Variants in CACNB2 observed in about 807,000 individuals in gnomAD.
CACNB2 encodes the protein calcium voltage-gated channel auxiliary subunit beta 2.
Under a neutral mutation model 73.3 loss-of-function variants are expected in CACNB2, and 42 were observed. That is an observed-to-expected ratio of 0.57 (90% CI 0.45 to 0.74). The LOEUF (loss-of-function observed/expected upper bound fraction) is 0.74. Ranked by LOEUF, CACNB2 falls within the 30% of genes least tolerant of loss-of-function variation. CACNB2 has a pLI of 0.00. For missense variants in CACNB2, 940 were observed against 853.0 expected (o/e 1.10, Z -1.27); for synonymous variants, 348 against 310.3 (o/e 1.12, Z -1.28).
chr10:18,290,879 G>T (rs1036737467), intron 2 of CACNB2, among the ~76,000 whole-genome samples: 2 of 152,234 alleles, frequency 1.3e-5, no homozygotes, highest in Non-Finnish European at 2.9e-5. Flanking sequence ...ATTGACAGGA[G>T]GTAAAAGGAG....
intron 9 of CACNB2, among the ~76,000 whole-genome samples, chr10:18,525,986 T>A (rs2052433112): frequency 6.6e-6 from 1 of 152,202 alleles, no homozygotes; most frequent in South Asian, 2.1e-4. Context: ...CATAATTGAT[T>A]TTTCTGTTTG....
At chr10:18,357,697 G>A (rs748110495) in intron 2 of CACNB2, among the ~76,000 whole-genome samples, 9 of 151,964 alleles carry the variant, frequency 5.9e-5, no homozygotes, top group East Asian at 1.9e-4. Flanking sequence ...TATATTTTTC[G>A]CCCACATGAA....
intron 2 of CACNB2, among the ~76,000 whole-genome samples, chr10:18,286,839 T>C (rs2038825720): frequency 6.6e-6 from 1 of 152,178 alleles, no homozygotes; most frequent in Non-Finnish European, 1.5e-5. Flanking sequence ...AAAGCAATGC[T>C]AAGTTTCAGT....
chr10:18,233,763 G>A (rs1441353443), intron 2 of CACNB2, among the ~76,000 whole-genome samples: 1 of 152,154 alleles, frequency 6.6e-6, no homozygotes, highest in Non-Finnish European at 1.5e-5. Context: ...TAAAGTACTA[G>A]GCTAGGTAGT....
At chr10:18,142,006 A>G (rs2030466024) in intron 1 of CACNB2, among the ~76,000 whole-genome samples, 1 of 152,190 alleles carries the variant, frequency 6.6e-6, no homozygotes, top group African/African-American at 2.4e-5. Context: ...AGCATGTTAG[A>G]GTATCATTTG....
chr10:18,305,276 C>T (rs1212335599), intron 2 of CACNB2, among the ~76,000 whole-genome samples: 1 of 152,136 alleles, frequency 6.6e-6, no homozygotes, highest in Non-Finnish European at 1.5e-5. Flanking sequence ...TATTATGTCA[C>T]TTGTTTCATA....
chr10:18,224,929 A>G (rs1472769549), intron 2 of CACNB2, among the ~76,000 whole-genome samples: 1 of 152,150 alleles, frequency 6.6e-6, no homozygotes, highest in Non-Finnish European at 1.5e-5. Context: ...TCAGCCTGTC[A>G]ATTTCCACTC....
chr10:18,152,489 T>C (rs1259337641), intron 2 of CACNB2, among the ~76,000 whole-genome samples: 2 of 151,982 alleles, frequency 1.3e-5, no homozygotes, highest in African/African-American at 4.8e-5. Context: ...GTGTATGCGT[T>C]GGCCTCATGT....
chr10:18,413,590 C>T (rs987860149), intron 3 of CACNB2, among the ~76,000 whole-genome samples: 6 of 152,154 alleles, frequency 3.9e-5, no homozygotes, highest in Admixed American at 6.5e-5. Flanking sequence ...CTGAAACCTT[C>T]GTCGAAGGGT....
At position 18,432,446 on chromosome 10, in the gene CACNB2, G is replaced by A. The variant is rs2045931932; in HGVS notation, c.333+30403G>A. On this transcript the variant is annotated intron_variant, in intron 3 of 13. Coordinates refer to ENST00000324631, the MANE Select transcript of CACNB2 (RefSeq NM_201596.3). ...ACTCTGTGGAGGGATGGATGTGTGT[G>A]TCTCTGTGTGTGTGTGTGTGTGTGT... Among the ~76,000 whole-genome samples, 9 of 50,844 alleles carry A rather than the reference G, an allele frequency of 1.8e-4. No homozygotes were observed. The South Asian group carries it at 6.8e-3, about 38-fold the overall frequency. 33.4% of individuals were successfully genotyped at this position (50,844 alleles called of 152,430 possible). A position where few individuals can be genotyped will look rare whatever the true frequency, so the allele number is the denominator to read the frequency against.
At chr10:18,465,776 G>C (rs779684000) in intron 3 of CACNB2, among the ~76,000 whole-genome samples, 10 of 151,294 alleles carry the variant, frequency 6.6e-5, no homozygotes, top group Non-Finnish European at 8.8e-5. Context: ...CTGCCTCCCA[G>C]GTTCAAGTAG....
At chr10:18,410,915 G>A (rs888941822) in intron 3 of CACNB2, among the ~76,000 whole-genome samples, 10 of 152,132 alleles carry the variant, frequency 6.6e-5, no homozygotes, top group African/African-American at 2.2e-4. Context: ...AGGAGGCAGA[G>A]GTTGCAGTGA....
chr10:18,210,442 C>G (rs1021855910), intron 2 of CACNB2, among the ~76,000 whole-genome samples: 1 of 151,392 alleles, frequency 6.6e-6, no homozygotes, highest in Non-Finnish European at 1.5e-5. Context: ...GTTTTTTTTC[C>G]CATAGGCCTT....
At chr10:18,145,462 C>G (rs963773276) in intron 1 of CACNB2, among the ~76,000 whole-genome samples, 4 of 151,920 alleles carry the variant, frequency 2.6e-5, no homozygotes, top group African/African-American at 9.7e-5. Context: ...ACATGCCAAT[C>G]AGAATTTCTG....
At chr10:18,213,787 G>C (rs184346920) in intron 2 of CACNB2, among the ~76,000 whole-genome samples, 1 of 152,196 alleles carries the variant, frequency 6.6e-6, no homozygotes, top group Non-Finnish European at 1.5e-5. Context: ...AGCCATCTCT[G>C]GAGTCAGGAC....
intron 2 of CACNB2, among the ~76,000 whole-genome samples, chr10:18,166,206 A>G (rs1394860634): frequency 6.6e-6 from 1 of 152,198 alleles, no homozygotes; most frequent in East Asian, 1.9e-4. Context: ...AAAAATTAAG[A>G]CACTTCAATC....
Position 18,212,528 on chromosome 10 carries a change from A to C in CACNB2, c.213+61553A>C, listed in dbSNP as rs189009123. On this transcript the variant is annotated intron_variant, in intron 2 of 13. Transcript: ENST00000324631. Reference sequence around the variant, plus strand: ...AGTTGTGATGTTGTCAACTTGAACCATTTTTTCCTTTGTTTTCCATTTCTC... The same window carrying C: ...AGTTGTGATGTTGTCAACTTGAACCCTTTTTTCCTTTGTTTTCCATTTCTC... Among the ~76,000 whole-genome samples, 1,309 of 151,918 alleles carry C rather than the reference A, an allele frequency of 8.6e-3. 21 individuals carry two copies. The highest frequency in any genetic ancestry group is 0.03 in the African/African-American group (1,259 of 41,420).
At chr10:18,458,363 C>T (rs1275959553) in intron 3 of CACNB2, among the ~76,000 whole-genome samples, 1 of 152,112 alleles carries the variant, frequency 6.6e-6, no homozygotes, top group Non-Finnish European at 1.5e-5. Flanking sequence ...TATTAATTTG[C>T]ATGTGGTGAA....
intron 2 of CACNB2, among the ~76,000 whole-genome samples, chr10:18,279,204 A>G (rs757120434): frequency 6.6e-6 from 1 of 152,186 alleles, no homozygotes; most frequent in Non-Finnish European, 1.5e-5. Flanking sequence ...CTGGTAAAAC[A>G]AATGGTTCTT....
Sources: allele counts gnomAD v4.1 joint callset (sites outside exome capture counted in the v4.1 genomes callset), GRCh38; gene constraint gnomAD v4.1.1; transcripts MANE v1.5; gene names NCBI Gene and HGNC (gene_info 2026-07-23, HGNC 2026-07-21).